Variants in NRCAM observed in about 807,000 individuals in gnomAD.
NRCAM encodes neuronal cell adhesion molecule.
Under a neutral mutation model 156.5 loss-of-function variants are expected in NRCAM, and 83 were observed. The ratio of observed to expected loss-of-function variants is 0.53; its 90% CI spans 0.44 to 0.64. The LOEUF (loss-of-function observed/expected upper bound fraction) is 0.64. Ranked by LOEUF, NRCAM falls within the 30% of genes least tolerant of loss-of-function variation. The pLI, the probability that NRCAM is intolerant of heterozygous loss-of-function variation, is 0.00. For missense variants in NRCAM, 1,417 were observed against 1,597.3 expected (o/e 0.89, Z 1.92); for synonymous variants, 538 against 563.9 (o/e 0.95, Z 0.65).
chr7:108,233,286 G>A (rs1487970469), intron 6 of NRCAM, among the ~76,000 whole-genome samples: 5 of 151,780 alleles, frequency 3.3e-5, no homozygotes, highest in South Asian at 2.1e-4. Flanking sequence ...ATCTCTAAAC[G>A]TCACAGTGTT....
rs1395098617 is a variant in NRCAM at position 108,210,899 on chromosome 7, A to G, written c.891-1294T>C. Among the ~76,000 whole-genome samples the G allele has an allele frequency of 2.0e-5, 3 of 152,230 alleles. No homozygotes were observed. In the South Asian group the frequency reaches 6.2e-4, roughly 32 times the overall value. ...GAAATGCAAGTGACTCTGAATAAGA[A>G]CAGCTCAGCCCAGAAGGGATCATCA... is the stretch of plus-strand genomic sequence containing the variant. On this transcript the variant is annotated intron_variant, in intron 11 of 32. Transcript: ENST00000379028.
chr7:108,151,945 T>C (rs1378649545), intron 32 of NRCAM, among the ~76,000 whole-genome samples: 1 of 152,138 alleles, frequency 6.6e-6, no homozygotes, highest in Non-Finnish European at 1.5e-5. Flanking sequence ...TGGCATTTCT[T>C]TGGTCTAGCC....
chr7:108,388,919 T>G (rs2099750442), intron 2 of NRCAM, among the ~76,000 whole-genome samples: 1 of 152,174 alleles, frequency 6.6e-6, no homozygotes, highest in East Asian at 1.9e-4. Context: ...ATTGTCTATA[T>G]CTCTGTTTTG....
intron 3 of NRCAM, among the ~76,000 whole-genome samples, chr7:108,297,627 T>C (rs563401507): frequency 3.3e-5 from 5 of 152,222 alleles, no homozygotes; most frequent in African/African-American, 1.2e-4. Flanking sequence ...ATGAACACAA[T>C]AGTCCAAAGT....
At chr7:108,355,256 G>GAT (rs1206230047) in intron 2 of NRCAM, among the ~76,000 whole-genome samples, 5 of 152,140 alleles carry the variant, frequency 3.3e-5, no homozygotes, top group Non-Finnish European at 7.3e-5. Flanking sequence ...ATTAAGAAAA[G>GAT]GTCTGAAAGA....
At chr7:108,278,523 C>T (rs531059426) in intron 3 of NRCAM, among the ~76,000 whole-genome samples, 3 of 152,360 alleles carry the variant, frequency 2.0e-5, no homozygotes, top group Non-Finnish European at 4.4e-5. Flanking sequence ...GGCTGCTGCA[C>T]TAGCAGTGAG....
intron 2 of NRCAM, among the ~76,000 whole-genome samples, chr7:108,327,287 C>A (rs1404045155): frequency 6.6e-6 from 1 of 152,146 alleles, no homozygotes; most frequent in Non-Finnish European, 1.5e-5. Context: ...ATAAGACGTG[C>A]TCTCTTTGCA....
At chr7:108,224,175 T>C (rs187031328) in intron 10 of NRCAM, among the ~76,000 whole-genome samples, 1 of 152,286 alleles carries the variant, frequency 6.6e-6, no homozygotes, top group African/African-American at 2.4e-5. Context: ...AATCATGTTA[T>C]CAAACTACAT....
intron 17 of NRCAM, among the ~76,000 whole-genome samples, chr7:108,192,184 G>A (rs1268983658): frequency 6.6e-6 from 1 of 152,158 alleles, no homozygotes; most frequent in African/African-American, 2.4e-5. Context: ...TCTAGAGGGT[G>A]TGGTAGGAGT....
chr7:108,429,526 C>T (rs994338766), intron 1 of NRCAM, among the ~76,000 whole-genome samples: 1 of 152,210 alleles, frequency 6.6e-6, no homozygotes, highest in Non-Finnish European at 1.5e-5. Context: ...ACTCCCCACA[C>T]AAAACAAAGA....
chr7:108,435,467 G>A (rs572385732), intron 1 of NRCAM, among the ~76,000 whole-genome samples: 2 of 152,210 alleles, frequency 1.3e-5, no homozygotes, highest in African/African-American at 4.8e-5. Flanking sequence ...GCAGAGGAGA[G>A]GGGGAGAAGA....
intron 3 of NRCAM, among the ~76,000 whole-genome samples, chr7:108,297,799 G>C (rs367690068): frequency 1.3e-5 from 2 of 152,234 alleles, no homozygotes; most frequent in East Asian, 3.8e-4. Flanking sequence ...GCATGCGCAC[G>C]TATGTGTGTG....
In NRCAM at chr7:108,207,649, G is replaced by A; in HGVS notation, c.1086C>T (p.Tyr362=). 6 of 1,608,670 alleles carry A rather than the reference G, an allele frequency of 3.7e-6. No individual in the cohort carries two copies. Among genetic ancestry groups the A allele is most frequent in the Non-Finnish European group, 5.1e-6 (6 of 1,178,364 alleles). The change falls in exon 13 of 33, where the codon TAC becomes TAT. Residue 362 remains tyrosine (Y), a synonymous_variant. Transcript: ENST00000379028. ...CAAGATTTTGAGGGGCTGTGATCCA[G>A]TATGGAGCCGCTTTATAGGAGGAAG... ...TISVRVKAAP[Y]WITAPQNLVL...
intron 1 of NRCAM, among the ~76,000 whole-genome samples, chr7:108,432,607 C>G (rs1458890988): frequency 6.6e-6 from 1 of 152,182 alleles, no homozygotes; most frequent in Non-Finnish European, 1.5e-5. Flanking sequence ...AAAAAAGAAG[C>G]AGAAAAACTG....
At position 108,195,815 on chromosome 7, in the gene NRCAM, C is replaced by T. The variant is rs1417009225; in HGVS notation, c.1409G>A (p.Arg470Lys). The change falls in exon 15 of 33, where the codon AGG (arginine) becomes AAG (lysine). Residue 470 changes from arginine to lysine, a missense_variant. Transcript: ENST00000379028. The part of the protein sequence containing the change: ...ANTLYQVIAN[R>K]PALLDCAFFG... The stretch of plus-strand genomic sequence containing the variant: ...GAAGGCACAGTCTAGTAAAGCAGGC[C>T]TGTTTGCAATGACCTGGTAGAGTGT... 1.2e-6 allele frequency: 2 copies of T among 1,613,790 alleles called. No individual in the cohort carries two copies. The highest frequency in any genetic ancestry group is 3.3e-4 in the Middle Eastern group (2 of 6,062).
intron 23 of NRCAM, 30 bp downstream of exon 23, chr7:108,182,665 T>C: frequency 6.3e-7 from 1 of 1,599,908 alleles, no homozygotes; most frequent in Non-Finnish European, 8.6e-7. Context: ...TCTGTTTTGC[T>C]GGGGAAAAGT....
At chr7:108,306,946 A>G (rs2098723862) in intron 3 of NRCAM, among the ~76,000 whole-genome samples, 1 of 152,224 alleles carries the variant, frequency 6.6e-6, no homozygotes, top group Admixed American at 6.5e-5. Context: ...ATAAAAATAA[A>G]TCCCTGGGTG....
chr7:108,431,820 A>G (rs938011714), intron 1 of NRCAM, among the ~76,000 whole-genome samples: 2 of 152,200 alleles, frequency 1.3e-5, no homozygotes, highest in Admixed American at 6.5e-5. Flanking sequence ...ATATTTTTAA[A>G]AGCATAACCC....
chr7:108,213,699 C>T (rs1328283951), intron 11 of NRCAM, among the ~76,000 whole-genome samples: 2 of 152,160 alleles, frequency 1.3e-5, no homozygotes, highest in Non-Finnish European at 2.9e-5. Context: ...GGTAAAAGGC[C>T]TTGTCGAACA....
Sources: gnomAD v4.1 joint callset for allele counts (sites outside exome capture counted in the v4.1 genomes callset) on GRCh38, gnomAD v4.1.1 for gene constraint, MANE v1.5 for transcripts, NCBI Gene and HGNC (gene_info 2026-07-23, HGNC 2026-07-21) for gene names.